Variants in DMBT1 observed in about 807,000 individuals in gnomAD.
DMBT1 encodes the protein scavenger receptor cysteine-rich domain-containing protein DMBT1.
DMBT1 carries 198 observed loss-of-function variants against 252.9 expected under a neutral mutation model. The observed-to-expected ratio is 0.78, with a 90% CI of 0.70 to 0.88. The LOEUF is 0.88. DMBT1 is among the 40% of genes least tolerant of loss of function. The pLI is 0.00. For synonymous variants in DMBT1, 990 were observed against 942.7 expected, an observed-to-expected ratio of 1.05 and a Z score of -0.92; for missense variants, 2,432 against 2,404.7, an observed-to-expected ratio of 1.01 and a Z score of -0.24.
At chr10:122,638,240 A>G (rs918055457) in intron 54 of DMBT1, among the ~76,000 whole-genome samples, 5 of 152,114 alleles carry the variant, frequency 3.3e-5, no homozygotes, top group Admixed American at 6.5e-5. Flanking sequence ...TCCTATGCCA[A>G]GTGAGCAGCC....
intron 54 of DMBT1, 138 bp from the exon 55 acceptor site, chr10:122,639,902 A>G (rs1156290501): frequency 7.7e-6 from 8 of 1,034,102 alleles, no homozygotes; most frequent in South Asian, 6.7e-5. Context: ...GGCACGTGCC[A>G]TGGCCATCTC....
At chr10:122,566,397 C>T (rs370368328) in intron 2 of DMBT1, among the ~76,000 whole-genome samples, 75 of 151,954 alleles carry the variant, frequency 4.9e-4, no homozygotes, top group Middle Eastern at 3.4e-3. Flanking sequence ...CTGCAACCTC[C>T]GCCTCCTGGG....
At chr10:122,589,372 A>G (rs2133579570) in intron 17 of DMBT1, 105 bp downstream of exon 17, 1 of 1,492,720 alleles carries the variant, frequency 6.7e-7, no homozygotes, top group Non-Finnish European at 9.0e-7. Flanking sequence ...AACCTTTCCT[A>G]TGTTTCTGAT....
In DMBT1 at chr10:122,593,612, G is replaced by A. The variant is rs1371918573; in HGVS notation, c.2530+14G>A. ...CACCCAGTCCAGGTAGGTCCCCAGT[G>A]TCCTTCCTCAAAATGTCCCTTCTCT... On this transcript the variant is annotated intron_variant, in intron 21 of 55. Coordinates refer to ENST00000338354, the MANE Select transcript of DMBT1 (RefSeq NM_001377530.1). 3 of 1,585,776 alleles carry A rather than the reference G, an allele frequency of 1.9e-6. No homozygotes were observed. In the South Asian group the frequency reaches 3.4e-5, roughly 18 times the overall value.
chr10:122,591,619 T>C, intron 19 of DMBT1, 102 bp downstream of exon 19: 1 of 1,292,396 alleles, frequency 7.7e-7, no homozygotes, highest in Non-Finnish European at 1.1e-6. Context: ...CCCCTGTCTT[T>C]TTCACATCCC....
intron 47 of DMBT1, 97 bp from the exon 48 acceptor site, chr10:122,630,191 T>C (rs1382777256): frequency 7.2e-7 from 1 of 1,382,250 alleles, no homozygotes; most frequent in East Asian, 2.3e-5. Context: ...AAGAAAAACC[T>C]GTATTCAATG....
Position 122,579,810 on chromosome 10 carries a change from A to G in DMBT1, c.912A>G (p.Ser304=), listed in dbSNP as rs750652919. Residue 304 remains serine (S), a synonymous_variant, in exon 10 of 56, where the codon TCA becomes TCG. Transcript: ENST00000338354. ...GPIVLDDVRC[S]GHESYLWSCP... ...TTGTCCTGGATGATGTGCGCTGCTC[A>G]GGACATGAGTCCTACCTGTGGAGCT... 1.3e-5 allele frequency: 21 copies of G among 1,607,242 alleles called. No individual in the cohort carries two copies. The highest frequency in any genetic ancestry group is 1.8e-5 in the Non-Finnish European group (21 of 1,173,698).
rs549068481 is a variant in DMBT1, at chr10:122,597,041, G to A, written c.2904G>A (p.Ser968=). ...TTCTCACAGCTGCCCACTCCTGGTC[G>A]ACGCCCAGTCCAGGTGAGTCCCCAG... ...GVICSAAHSW[S]TPSPDTLPTI... Residue 968 remains serine (S), a synonymous_variant, in exon 24 of 56, where the codon TCG becomes TCA. Transcript: ENST00000338354. 1.9e-5 allele frequency: 11 copies of A among 589,518 alleles called. No homozygotes were observed. Among genetic ancestry groups the A allele is most frequent in the Non-Finnish European group, 3.0e-5 (11 of 365,316 alleles). 36.5% of individuals were successfully genotyped at this position (589,518 alleles called of 1,614,324 possible). A position where few individuals can be genotyped will look rare whatever the true frequency, so the allele number is the denominator to read the frequency against.
intron 52 of DMBT1, 61 bp downstream of exon 52, chr10:122,633,402 G>T (rs568440883): frequency 6.3e-7 from 1 of 1,594,466 alleles, no homozygotes; most frequent in East Asian, 2.3e-5. Flanking sequence ...GGGAATAAAT[G>T]GTGCTTAAGT....
At chr10:122,578,606 A>T in intron 8 of DMBT1, 112 bp from the exon 9 acceptor site, 1 of 930,616 alleles carries the variant, frequency 1.1e-6, no homozygotes, top group South Asian at 1.5e-5. Flanking sequence ...AAGTGGCCAG[A>T]CCTTCGAGTG....
chr10:122,635,205 T>C (rs28477557), intron 52 of DMBT1, among the ~76,000 whole-genome samples: 14,531 of 152,228 alleles, frequency 0.095, 760 homozygotes, highest in South Asian at 0.19. Flanking sequence ...CCCTCTTCAG[T>C]GTGCATGGAT....
Position 122,593,219 on chromosome 10 carries a change from T to A in DMBT1, c.2501-350T>A, listed in dbSNP as rs1231255083. ...GGCCAGGCATGGCCTTGTTATTGCCTGTGGTCGGGGCTTGAAGATCACACA... is the reference window on the plus strand; with the variant it reads ...GGCCAGGCATGGCCTTGTTATTGCCAGTGGTCGGGGCTTGAAGATCACACA... On this transcript the variant is annotated intron_variant, in intron 20 of 55. Transcript: ENST00000338354. 2.7e-5 allele frequency among the ~76,000 whole-genome samples: 4 copies of A among 148,800 alleles called. 1 individual carries two copies. The South Asian group carries it at 9.0e-4, about 33-fold the overall frequency.
rs1844960838 is a variant in DMBT1 at position 122,643,592 on chromosome 10, G to A, written c.*194G>A. The A allele has an allele frequency of 2.7e-6, 2 of 729,480 alleles. No homozygotes were observed. Among genetic ancestry groups the A allele is most frequent in the African/African-American group, 1.8e-5 (1 of 56,158 alleles). The allele number at this position is 729,480 out of a possible 1,614,324, so 45.2% of individuals were successfully genotyped here. A position where few individuals can be genotyped will look rare whatever the true frequency, so the allele number is the denominator to read the frequency against. On this transcript the variant is annotated 3_prime_UTR_variant, in exon 56 of 56. Coordinates refer to ENST00000338354, the MANE Select transcript of DMBT1 (RefSeq NM_001377530.1). Reference sequence around the variant, plus strand: ...GTCCTTGGAGGACCCGTTGCAGGGTGAGGTCAAGAGAGTTCTGACCTGGAT... The same window carrying A: ...GTCCTTGGAGGACCCGTTGCAGGGTAAGGTCAAGAGAGTTCTGACCTGGAT...
At chr10:122,599,756 G>C (rs952135899) in intron 26 of DMBT1, among the ~76,000 whole-genome samples, 1 of 152,190 alleles carries the variant, frequency 6.6e-6, no homozygotes, top group East Asian at 1.9e-4. Context: ...TTTGGCTGGA[G>C]TGGCTTCCTC....
intron 2 of DMBT1, among the ~76,000 whole-genome samples, chr10:122,568,329 G>A (rs2133514171): frequency 6.6e-6 from 1 of 152,276 alleles, no homozygotes; most frequent in African/African-American, 2.4e-5. Flanking sequence ...GGGCTGGGCT[G>A]TCAGGGCTGA....
rs1565965739 is a variant in DMBT1, at chr10:122,630,399, ATCT to A, written c.5939_5941del (p.Ser1980del). 17 of 1,613,938 alleles carry A rather than the reference ATCT, an allele frequency of 1.1e-5. No individual in the cohort carries two copies. The South Asian group carries it at 1.2e-4, about 11-fold the overall frequency. On this transcript the variant is annotated inframe_deletion, in exon 48 of 56. Transcript: ENST00000338354. The stretch of plus-strand genomic sequence containing the variant: ...GTAATGATACCAGGCAAATATTTAC[ATCT>A]TCTTACAACCGAATGACCATTCACT...
At chr10:122,563,309 A>G (rs533018877) in intron 1 of DMBT1, among the ~76,000 whole-genome samples, 2 of 152,338 alleles carry the variant, frequency 1.3e-5, no homozygotes, top group African/African-American at 2.4e-5. Context: ...TCTGGCACAT[A>G]GACAGAGCCT....
intron 44 of DMBT1, among the ~76,000 whole-genome samples, chr10:122,623,629 G>T (rs1347545875): frequency 6.6e-6 from 1 of 152,146 alleles, no homozygotes; most frequent in East Asian, 1.9e-4. Flanking sequence ...ATGGTGTTTT[G>T]ATTTGCATTT....
chr10:122,632,842 C>T lies in DMBT1; in HGVS notation c.6368-19C>T. 1 of 1,613,398 alleles carries T rather than the reference C, an allele frequency of 6.2e-7. No homozygotes were observed. Among genetic ancestry groups the T allele is most frequent in the African/African-American group, 1.3e-5 (1 of 75,056 alleles). On this transcript the variant is annotated intron_variant, in intron 50 of 55. Transcript: ENST00000338354. ...GGGATGCCAGAAAACTGATCCTGAT[C>T]TTTTCTTTTTGTCAACAGCTCCTTT...
Sources: gnomAD v4.1 joint callset for allele counts (sites outside exome capture counted in the v4.1 genomes callset) on GRCh38, gnomAD v4.1.1 for gene constraint, MANE v1.5 for transcripts, NCBI Gene and HGNC (gene_info 2026-07-23, HGNC 2026-07-21) for gene names.